The following MRPS6 variants were observed in gnomAD, a reference collection of about 807,000 sequenced individuals.
The protein encoded by MRPS6 is mitochondrial ribosomal protein S6.
A neutral mutation model predicts 13.1 loss-of-function variants in MRPS6; 6 were observed. The ratio of observed to expected loss-of-function variants is 0.46; its 90% CI spans 0.25 to 0.91. The LOEUF (loss-of-function observed/expected upper bound fraction) is 0.91. Among genes scored for constraint, MRPS6 ranks in the 40% least tolerant of loss-of-function variants. The probability of loss-of-function intolerance (pLI) is 0.18; values close to 1 mark genes in which losing one functional copy is unlikely to be tolerated. For synonymous variants in MRPS6, 61 were observed against 56.5 expected (o/e 1.08, Z -0.36); for missense variants, 164 against 155.6 (o/e 1.05, Z -0.29).
At chr21:34,102,888 C>T (rs533201681) in intron 1 of MRPS6, 16 of 999,704 alleles carry the variant, frequency 1.6e-5, no homozygotes, top group African/African-American at 1.4e-4. Context: ...ACAGTGAATT[C>T]GACAACCGCA....
intron 1 of MRPS6, among the ~76,000 whole-genome samples, chr21:34,092,125 C>CATAT (rs143732686): frequency 0.041 from 6,065 of 149,370 alleles, 177 homozygotes; most frequent in Admixed American, 0.069. Context: ...GGAAGAAAAA[C>CATAT]ATATATATAT....
chr21:34,090,982 T>A (rs1270234855), intron 1 of MRPS6, among the ~76,000 whole-genome samples: 1 of 151,578 alleles, frequency 6.6e-6, no homozygotes, highest in Non-Finnish European at 1.5e-5. Context: ...TATGCCCATG[T>A]TTTTTGTTTT....
chr21:34,075,146 T>C (rs1466386590), intron 1 of MRPS6, among the ~76,000 whole-genome samples: 1 of 152,262 alleles, frequency 6.6e-6, no homozygotes. Context: ...GGAAGTTGTT[T>C]AAGCCCTCCC....
chr21:34,100,585 T>A (rs1979191411), intron 1 of MRPS6: 6 of 1,000,160 alleles, frequency 6.0e-6, no homozygotes, highest in Non-Finnish European at 7.2e-6. Flanking sequence ...CAGGGTCATG[T>A]AGCCATAGCT....
In MRPS6 at chr21:34,118,239, T is replaced by C. The variant is rs574067027; in HGVS notation, c.46-7102T>C. ...TAAACTTTGGACTCCCCAGAAACTT[T>C]ACCAATAGCCTACTGTTGACCTGGA... On this transcript the variant is annotated intron_variant, in intron 1 of 2. Transcript: ENST00000399312. Among the ~76,000 whole-genome samples, 8 of 152,254 alleles carry C rather than the reference T, an allele frequency of 5.3e-5. No individual in the cohort carries two copies. In the East Asian group the frequency reaches 1.4e-3, roughly 26 times the overall value.
intron 1 of MRPS6, chr21:34,097,405 T>TG (rs1979015715): frequency 8.0e-6 from 11 of 1,367,196 alleles, no homozygotes; most frequent in Non-Finnish European, 7.5e-6. Flanking sequence ...GACTGGTCTT[T>TG]GGGGAAAAAA....
intron 1 of MRPS6, chr21:34,105,255 C>T: frequency 1.0e-6 from 1 of 1,000,250 alleles, no homozygotes; most frequent in Non-Finnish European, 1.2e-6. Context: ...TTCTTTTGTC[C>T]AGACCCATGT....
chr21:34,089,673 G>C (rs949070972), intron 1 of MRPS6, among the ~76,000 whole-genome samples: 18 of 152,074 alleles, frequency 1.2e-4, no homozygotes, highest in African/African-American at 4.3e-4. Flanking sequence ...CTCCTGTCCC[G>C]GGAGAAACTG....
intron 1 of MRPS6, among the ~76,000 whole-genome samples, chr21:34,088,236 T>C (rs559603116): frequency 8.3e-3 from 1 of 120 alleles, no homozygotes; most frequent in African/African-American, 0.033. Flanking sequence ...AAGTATAGAA[T>C]ACACTTAAGA....
intron 2 of MRPS6, among the ~76,000 whole-genome samples, chr21:34,136,360 A>G (rs1980703770): frequency 6.6e-6 from 1 of 151,924 alleles, no homozygotes; most frequent in African/African-American, 2.4e-5. Context: ...GTTGGTCAGG[A>G]TGGTCTCGAA....
At chr21:34,125,277 T>C (rs998097697) in intron 1 of MRPS6, 64 bp from the exon 2 acceptor site, 18 of 1,584,732 alleles carry the variant, frequency 1.1e-5, no homozygotes, top group Middle Eastern at 3.6e-4. Flanking sequence ...GACTTAATCA[T>C]TCTAGCTCTT....
chr21:34,135,528 C>G (rs1602967863), intron 2 of MRPS6: 2 of 503,552 alleles, frequency 4.0e-6, no homozygotes, highest in East Asian at 1.1e-4. Context: ...GCTCATCTGC[C>G]AGGCACTCAG....
intron 1 of MRPS6, chr21:34,105,639 G>A: frequency 1.0e-6 from 1 of 999,746 alleles, no homozygotes; most frequent in Non-Finnish European, 1.2e-6. Flanking sequence ...GTTAGGCATT[G>A]TAGGCCAAAT....
intron 1 of MRPS6, among the ~76,000 whole-genome samples, chr21:34,080,988 T>C (rs1447619997): frequency 6.6e-6 from 1 of 152,194 alleles, no homozygotes; most frequent in African/African-American, 2.4e-5. Flanking sequence ...AATTTAAATA[T>C]CATGTGAGCT....
intron 1 of MRPS6, chr21:34,098,582 C>T (rs560163422): frequency 2.8e-5 from 28 of 1,000,224 alleles, no homozygotes; most frequent in Admixed American, 1.8e-4. Flanking sequence ...AAACTCAGTG[C>T]ATACTTTGCT....
intron 1 of MRPS6, chr21:34,098,017 AGTTT>A (rs1979053824): frequency 6.0e-6 from 6 of 999,130 alleles, no homozygotes; most frequent in Non-Finnish European, 7.2e-6. Flanking sequence ...TCTACTTTCA[AGTTT>A]AAGTGAACCA....
intron 1 of MRPS6, chr21:34,100,594 C>G: frequency 1.0e-6 from 1 of 1,000,212 alleles, no homozygotes; most frequent in Non-Finnish European, 1.2e-6. Context: ...GTAGCCATAG[C>G]TCTTAGGGAT....
chr21:34,101,540 C>A, intron 1 of MRPS6: 1 of 1,000,156 alleles, frequency 1.0e-6, no homozygotes, highest in Non-Finnish European at 1.2e-6. Context: ...GCCCACTTAC[C>A]ATTCAGAGAG....
chr21:34,079,254 T>C (rs1989403916), intron 1 of MRPS6, among the ~76,000 whole-genome samples: 1 of 152,230 alleles, frequency 6.6e-6, no homozygotes, highest in African/African-American at 2.4e-5. Flanking sequence ...TCAGAGTCCA[T>C]AAGTAAAGTT....
Sources: gnomAD v4.1 joint callset for allele counts (sites outside exome capture counted in the v4.1 genomes callset) on GRCh38, gnomAD v4.1.1 for gene constraint, MANE v1.5 for transcripts, NCBI Gene and HGNC (gene_info 2026-07-23, HGNC 2026-07-21) for gene names.